Variants in PLD5 observed in about 807,000 individuals in gnomAD.
PLD5 encodes phospholipase D family member 5.
A neutral mutation model predicts 61.1 loss-of-function variants in PLD5; 36 were observed. That is an observed-to-expected ratio of 0.59 (90% CI 0.45 to 0.78). The LOEUF (loss-of-function observed/expected upper bound fraction) is 0.78. Among genes scored for constraint, PLD5 ranks in the 30% least tolerant of loss-of-function variants. The pLI, the probability that PLD5 is intolerant of heterozygous loss-of-function variation, is 0.00. For synonymous variants in PLD5, 243 were observed against 242.8 expected (o/e 1.00, Z -0.01); for missense variants, 515 against 644.4 (o/e 0.80, Z 2.17).
At chr1:242,382,355 A>T (rs1662347079) in intron 1 of PLD5, among the ~76,000 whole-genome samples, 1 of 152,172 alleles carries the variant, frequency 6.6e-6, no homozygotes, top group Non-Finnish European at 1.5e-5. Context: ...ACACATGAAA[A>T]GTGAGCTTGA....
At chr1:242,489,987 G>GT (rs1668091190) in intron 1 of PLD5, among the ~76,000 whole-genome samples, 1 of 152,216 alleles carries the variant, frequency 6.6e-6, no homozygotes, top group African/African-American at 2.4e-5. Context: ...AGAGAGAAAG[G>GT]TTCCATTCAC....
At chr1:242,226,835 T>C (rs1351769165) in intron 4 of PLD5, among the ~76,000 whole-genome samples, 1 of 152,224 alleles carries the variant, frequency 6.6e-6, no homozygotes, top group Non-Finnish European at 1.5e-5. Flanking sequence ...GTTCTTAGGA[T>C]AGTAACCAAA....
intron 1 of PLD5, among the ~76,000 whole-genome samples, chr1:242,512,815 T>C (rs1230472209): frequency 7.2e-5 from 11 of 152,200 alleles, no homozygotes; most frequent in African/African-American, 2.4e-4. Context: ...TGTGAATGCC[T>C]AATCAGTAGT....
intron 5 of PLD5, among the ~76,000 whole-genome samples, chr1:242,208,227 G>A (rs1275967579): frequency 6.6e-6 from 1 of 151,580 alleles, no homozygotes; most frequent in East Asian, 1.9e-4. Flanking sequence ...TGCCTGCACA[G>A]GTGAGCTCAC....
intron 2 of PLD5, among the ~76,000 whole-genome samples, chr1:242,331,503 AAAT>A (rs1424811736): frequency 6.8e-6 from 1 of 146,626 alleles, no homozygotes; most frequent in Non-Finnish European, 1.5e-5. Context: ...AAATGCCAAA[AAAT>A]AATTGCCCTC....
intron 4 of PLD5, among the ~76,000 whole-genome samples, chr1:242,220,711 T>TATA: frequency 5.1e-5 from 3 of 58,478 alleles, no homozygotes; most frequent in East Asian, 1.7e-3. Context: ...TAATTTATAT[T>TATA]TTATTTTATT....
At chr1:242,374,913 T>C (rs115128563) in intron 1 of PLD5, among the ~76,000 whole-genome samples, 2,632 of 152,326 alleles carry the variant, frequency 0.017, 69 homozygotes, top group African/African-American at 0.061. Context: ...CTCTAATTAA[T>C]CTGCCTTTTG....
intron 1 of PLD5, among the ~76,000 whole-genome samples, chr1:242,430,705 C>A (rs983129398): frequency 6.6e-6 from 1 of 152,178 alleles, no homozygotes; most frequent in Non-Finnish European, 1.5e-5. Flanking sequence ...CTTCTACCTG[C>A]TGGTTCTCCT....
At position 242,186,058 on chromosome 1, in the gene PLD5, C is replaced by T. The variant is rs113410280; in HGVS notation, c.735+33930G>A. The stretch of plus-strand genomic sequence containing the variant: ...CAATTTCTTGGCAATTATCCCATGA[C>T]GGATCATTCAAGTATTTTAAATAAA... On this transcript the variant is annotated intron_variant, in intron 5 of 9. Coordinates refer to ENST00000536534, the MANE Select transcript of PLD5 (RefSeq NM_001372062.1). Among the ~76,000 whole-genome samples, 1,139 of 151,996 alleles carry T rather than the reference C, an allele frequency of 7.5e-3. 20 individuals carry two copies. The highest frequency in any genetic ancestry group is 0.026 in the African/African-American group (1,058 of 41,454).
At position 242,163,895 on chromosome 1, in the gene PLD5, AAG is replaced by A. The variant is rs936583249; in HGVS notation, c.736-39232_736-39231del. ...TCCTTTATTTCTTTTGGGTCTCCTA[AAG>A]AGAGAGTTATAAAATGTGTGTGTGT... is the stretch of plus-strand genomic sequence containing the variant. On this transcript the variant is annotated intron_variant, in intron 5 of 9. Coordinates refer to ENST00000536534, the MANE Select transcript of PLD5 (RefSeq NM_001372062.1). Among the ~76,000 whole-genome samples, 6 of 146,298 alleles carry A rather than the reference AAG, an allele frequency of 4.1e-5. No individual in the cohort carries two copies. The East Asian group carries it at 7.9e-4, about 19-fold the overall frequency.
chr1:242,173,225 G>T (rs10926637), intron 5 of PLD5, among the ~76,000 whole-genome samples: 49,525 of 151,952 alleles, frequency 0.33, 8,271 homozygotes, highest in South Asian at 0.44. Flanking sequence ...ACAAAATCAA[G>T]GTGCAAAAAT....
intron 1 of PLD5, among the ~76,000 whole-genome samples, chr1:242,437,946 A>G (rs1052772011): frequency 6.6e-6 from 1 of 152,224 alleles, no homozygotes; most frequent in African/African-American, 2.4e-5. Flanking sequence ...TAAGCAACAA[A>G]TGGTGCTATC....
At chr1:242,333,652 T>C (rs1437478761) in intron 2 of PLD5, among the ~76,000 whole-genome samples, 3 of 152,196 alleles carry the variant, frequency 2.0e-5, no homozygotes, top group African/African-American at 7.2e-5. Context: ...CCCTACTTTG[T>C]CCACTCTCTC....
upstream of PLD5, chr1:242,524,741 G>GGGTGC (rs1669398010): frequency 1.4e-5 from 2 of 147,428 alleles, no homozygotes; most frequent in Non-Finnish European, 3.0e-5. Context: ...GGCGGGGGTG[G>GGGTGC]GGTGCGGTGG....
chr1:242,130,880 C>G (rs1041991221), intron 5 of PLD5, among the ~76,000 whole-genome samples: 1 of 147,104 alleles, frequency 6.8e-6, no homozygotes, highest in Non-Finnish European at 1.5e-5. Flanking sequence ...TGGAAGAGAT[C>G]GATTTCTTTT....
chr1:242,308,848 C>A (rs1449344959), intron 2 of PLD5, among the ~76,000 whole-genome samples: 1 of 152,146 alleles, frequency 6.6e-6, no homozygotes, highest in Non-Finnish European at 1.5e-5. Flanking sequence ...CTCTCATTCT[C>A]GCTTGCTTAA....
chr1:242,470,354 AAAAGAAAGAAAGAAAG>A (rs375557724), intron 1 of PLD5, among the ~76,000 whole-genome samples: 19 of 141,300 alleles, frequency 1.3e-4, no homozygotes, highest in Non-Finnish European at 2.7e-4. Flanking sequence ...AGAAAAAAAA[AAAAGAAAGAAAGAAAG>A]AAAGAAAGAA....
At position 242,524,221 on chromosome 1, in the gene PLD5, T is replaced by G. The variant is rs962194171; in HGVS notation, c.56A>C (p.Gln19Pro). 3.9e-6 allele frequency: 6 copies of G among 1,531,692 alleles called. No individual in the cohort carries two copies. In the Admixed American group the frequency reaches 1.2e-4, roughly 30 times the overall value. The allele number at this position is 1,531,692 out of a possible 1,614,324, so 94.9% of individuals were successfully genotyped here. The part of the protein sequence containing the change: ...LSASPHEGFE[Q>P]MRLKSRPKEP... ...CTTGGGGCGGCTTTTGAGCCTCATC[T>G]GCTCGAAGCCCTCATGGGGGGAGGC... Residue 19 changes from glutamine to proline, a missense_variant, in exon 1 of 10, where the codon CAG becomes CCG. Transcript: ENST00000536534.
chr1:242,185,583 C>G (rs991625862), intron 5 of PLD5, among the ~76,000 whole-genome samples: 1 of 152,112 alleles, frequency 6.6e-6, no homozygotes, highest in Non-Finnish European at 1.5e-5. Flanking sequence ...CAAGCCTTGC[C>G]TGGGGTAGAG....
Sources: allele counts gnomAD v4.1 joint callset (sites outside exome capture counted in the v4.1 genomes callset), GRCh38; gene constraint gnomAD v4.1.1; transcripts MANE v1.5; gene names NCBI Gene and HGNC (gene_info 2026-07-23, HGNC 2026-07-21).